The following DAW1 variants were observed in gnomAD, a reference collection of about 807,000 sequenced individuals.
DAW1 encodes dynein assembly factor with WD repeat domains 1.
DAW1 carries 47 observed loss-of-function variants against 56.5 expected under a neutral mutation model. The ratio of observed to expected loss-of-function variants is 0.83; its 90% CI spans 0.66 to 1.06. The LOEUF (loss-of-function observed/expected upper bound fraction) is 1.06. Ranked by LOEUF, DAW1 falls within the 50% of genes least tolerant of loss-of-function variation. The pLI is 0.00. For synonymous variants in DAW1, 190 were observed against 179.0 expected (o/e 1.06, Z -0.49); for missense variants, 505 against 499.3 (o/e 1.01, Z -0.11).
chr2:227,911,633 T>A (rs1213269066), intron 10 of DAW1, among the ~76,000 whole-genome samples: 1 of 152,096 alleles, frequency 6.6e-6, no homozygotes, highest in Admixed American at 6.6e-5. Context: ...TTAAGGATGA[T>A]GCTATAATAT....
chr2:227,902,899 A>T, intron 6 of DAW1, 103 bp from the exon 7 acceptor site: 1 of 1,191,418 alleles, frequency 8.4e-7, no homozygotes, highest in Non-Finnish European at 1.2e-6. Flanking sequence ...ACAAAGAATT[A>T]GATGGAATCT....
rs1292300586 is a variant in DAW1 at position 227,893,920 on chromosome 2, G to A, written c.440+3G>A. 1.3e-6 allele frequency: 2 copies of A among 1,591,194 alleles called. No homozygotes were observed. Among genetic ancestry groups the A allele is most frequent in the Non-Finnish European group, 1.7e-6 (2 of 1,170,962 alleles). On this transcript the variant is annotated splice_donor_region_variant and intron_variant, in intron 5 of 12. Transcript: ENST00000309931. ...ATAGCATTCAACAATCCTTACGGGT[G>A]TGTTCATCCCTTCACTTATTTGTTT...
At chr2:227,912,936 T>C (rs1023879251) in intron 10 of DAW1, among the ~76,000 whole-genome samples, 1 of 152,212 alleles carries the variant, frequency 6.6e-6, no homozygotes, top group African/African-American at 2.4e-5. Context: ...TCATGTTTGA[T>C]GCCCCATCCT....
At chr2:227,912,404 G>T (rs752144241) in intron 10 of DAW1, 1 of 1,304,690 alleles carries the variant, frequency 7.7e-7, no homozygotes, top group Non-Finnish European at 1.0e-6. Context: ...TATCCGGTGT[G>T]TTCATCTCTT....
At chr2:227,896,204 T>C (rs1691403284) in intron 5 of DAW1, among the ~76,000 whole-genome samples, 1 of 152,222 alleles carries the variant, frequency 6.6e-6, no homozygotes, top group African/African-American at 2.4e-5. Context: ...TAATACCTTA[T>C]TATGCCAGCT....
Position 227,923,945 on chromosome 2 carries a change from A to C in DAW1, c.1225A>C (p.Asn409His), listed in dbSNP as rs766725653. The change falls in exon 13 of 13, where the codon AAT becomes CAT. Residue 409 changes from asparagine (N) to histidine (H), a missense_variant. Coordinates refer to ENST00000309931, the MANE Select transcript of DAW1 (RefSeq NM_178821.3). Reference sequence around the variant, plus strand: ...ATCTGTTTTATTAGGCAGCAAGGATAATACCTGTAGGATATGGCGTTGACT... The same window carrying C: ...ATCTGTTTTATTAGGCAGCAAGGATCATACCTGTAGGATATGGCGTTGACT... ...GNIVITGSKD[N>H]TCRIWR 2 of 1,613,936 alleles carry C rather than the reference A, an allele frequency of 1.2e-6. No individual in the cohort carries two copies. Among genetic ancestry groups the C allele is most frequent in the Non-Finnish European group, 1.7e-6 (2 of 1,179,924 alleles).
At chr2:227,887,443 A>C (rs190252385) in intron 2 of DAW1, among the ~76,000 whole-genome samples, 1 of 152,218 alleles carries the variant, frequency 6.6e-6, no homozygotes, top group Non-Finnish European at 1.5e-5. Context: ...GTTAGATTCT[A>C]TAAGAGGCTA....
chr2:227,882,387 A>G (rs1450425633), intron 1 of DAW1, among the ~76,000 whole-genome samples: 3 of 152,226 alleles, frequency 2.0e-5, no homozygotes, highest in Non-Finnish European at 4.4e-5. Context: ...ACCAAACTCT[A>G]ATAGTGGTCA....
chr2:227,907,044 C>A, intron 9 of DAW1, 94 bp from the exon 10 acceptor site: 1 of 765,202 alleles, frequency 1.3e-6, no homozygotes, highest in Non-Finnish European at 2.1e-6. Context: ...ATTTAACCAG[C>A]CATAAGCATG....
Position 227,904,925 on chromosome 2 carries a change from C to G in DAW1, c.649-4C>G. ...ATACTTGACAGTATCTGCTCTTTTTCTAGGGACATTCTGCCGAAATCATCT... is the reference window on the plus strand; with the variant it reads ...ATACTTGACAGTATCTGCTCTTTTTGTAGGGACATTCTGCCGAAATCATCT... On this transcript the variant is annotated splice_region_variant and splice_polypyrimidine_tract_variant and intron_variant, in intron 7 of 12. Coordinates refer to ENST00000309931, the MANE Select transcript of DAW1 (RefSeq NM_178821.3). 6.2e-7 allele frequency: 1 copy of G among 1,610,984 alleles called. No homozygotes were observed. Among genetic ancestry groups the G allele is most frequent in the Non-Finnish European group, 8.5e-7 (1 of 1,178,258 alleles).
intron 11 of DAW1, among the ~76,000 whole-genome samples, chr2:227,920,645 CT>C (rs1477917119): frequency 6.6e-6 from 1 of 151,746 alleles, no homozygotes; most frequent in Non-Finnish European, 1.5e-5. Context: ...GATCTGTGTG[CT>C]TTTTAAAAAA....
intron 10 of DAW1, among the ~76,000 whole-genome samples, chr2:227,918,168 CCAT>C (rs753547285): frequency 1.9e-4 from 19 of 100,268 alleles, no homozygotes; most frequent in South Asian, 6.4e-4. Flanking sequence ...ATCCATCCAT[CCAT>C]CATCCATCCA....
chr2:227,905,841 G>A (rs954030893), intron 8 of DAW1, among the ~76,000 whole-genome samples: 5 of 152,050 alleles, frequency 3.3e-5, no homozygotes, highest in Admixed American at 1.3e-4. Context: ...TGCAAGCTCC[G>A]CTTCCTGGGT....
intron 10 of DAW1, among the ~76,000 whole-genome samples, chr2:227,915,551 T>C (rs1691932314): frequency 6.6e-6 from 1 of 152,106 alleles, no homozygotes; most frequent in Non-Finnish European, 1.5e-5. Flanking sequence ...CCCTGTGTGA[T>C]GCTAAACTAT....
intron 6 of DAW1, among the ~76,000 whole-genome samples, chr2:227,901,107 A>G (rs1011018851): frequency 2.0e-5 from 3 of 152,216 alleles, no homozygotes; most frequent in African/African-American, 7.2e-5. Flanking sequence ...AATCCGAGTT[A>G]TCAGCCAGTT....
intron 1 of DAW1, among the ~76,000 whole-genome samples, chr2:227,880,281 A>G (rs1249279377): frequency 6.6e-6 from 1 of 151,792 alleles, no homozygotes; most frequent in Non-Finnish European, 1.5e-5. Context: ...AGCACCTTAA[A>G]TCTTTTTTAT....
chr2:227,916,149 C>T (rs1691948243), intron 10 of DAW1, among the ~76,000 whole-genome samples: 1 of 152,072 alleles, frequency 6.6e-6, no homozygotes, highest in Non-Finnish European at 1.5e-5. Context: ...AAATAATGTA[C>T]TGCTACACTA....
chr2:227,924,037 C>T lies in DAW1; in HGVS notation c.*69C>T, dbSNP rs1692169596. The T allele has an allele frequency of 1.3e-6, 2 of 1,552,666 alleles. No homozygotes were observed. Among genetic ancestry groups the T allele is most frequent in the Admixed American group, 3.4e-5 (2 of 58,660 alleles). The stretch of plus-strand genomic sequence containing the variant: ...TCAAGAACTGGAACTTCACAGACAG[C>T]AGCTCTCTTAATATTTCTTATACTT... On this transcript the variant is annotated 3_prime_UTR_variant, in exon 13 of 13. Coordinates refer to ENST00000309931, the MANE Select transcript of DAW1 (RefSeq NM_178821.3).
chr2:227,911,267 C>CATATATACACGTGTATATGT (rs1559312581), intron 10 of DAW1, among the ~76,000 whole-genome samples: 2 of 132,808 alleles, frequency 1.5e-5, no homozygotes, highest in Admixed American at 7.5e-5. Context: ...CGTGTATATA[C>CATATATACACGTGTATATGT]ACATATACAC....
Sources: allele counts gnomAD v4.1 joint callset (sites outside exome capture counted in the v4.1 genomes callset), GRCh38; gene constraint gnomAD v4.1.1; transcripts MANE v1.5; gene names NCBI Gene and HGNC (gene_info 2026-07-23, HGNC 2026-07-21).